Variants in NAV2 observed in about 807,000 individuals in gnomAD.
The protein encoded by NAV2 is helicase, APC down-regulated 1.
A neutral mutation model predicts 223.2 loss-of-function variants in NAV2; 54 were observed. The ratio of observed to expected loss-of-function variants is 0.24; its 90% CI spans 0.19 to 0.30. The LOEUF is 0.30. NAV2 is among the 10% of genes least tolerant of loss of function. NAV2 has a pLI of 1.00. For missense variants in NAV2, 2,806 were observed against 3,147.5 expected, an observed-to-expected ratio of 0.89 and a Z score of 2.60; for synonymous variants, 1,279 against 1,239.3, an observed-to-expected ratio of 1.03 and a Z score of -0.67.
chr11:19,500,690 T>C (rs1224192981), intron 1 of NAV2, among the ~76,000 whole-genome samples: 1 of 152,216 alleles, frequency 6.6e-6, no homozygotes, highest in East Asian at 1.9e-4. Flanking sequence ...ACTAATGATA[T>C]TAAAATCTTA....
chr11:19,673,399 A>C (rs2048622893), intron 1 of NAV2, among the ~76,000 whole-genome samples: 1 of 152,226 alleles, frequency 6.6e-6, no homozygotes, highest in Admixed American at 6.5e-5. Flanking sequence ...TGAGGAAACA[A>C]ATGAAGAACA....
At chr11:19,973,535 T>C (rs2049437241) in intron 10 of NAV2, among the ~76,000 whole-genome samples, 1 of 152,196 alleles carries the variant, frequency 6.6e-6, no homozygotes, top group African/African-American at 2.4e-5. Flanking sequence ...AGAAATTCTC[T>C]ACTTGATCAA....
chr11:19,596,574 G>A (rs2046211417), intron 1 of NAV2, among the ~76,000 whole-genome samples: 1 of 152,214 alleles, frequency 6.6e-6, no homozygotes, highest in Non-Finnish European at 1.5e-5. Context: ...CTGTCTGGGA[G>A]CTTGGCCAGC....
intron 4 of NAV2, 118 bp downstream of exon 4, chr11:19,869,115 G>C: frequency 2.0e-6 from 2 of 1,005,554 alleles, no homozygotes; most frequent in Non-Finnish European, 2.9e-6. Flanking sequence ...CTCTGGTTTT[G>C]TTTTCCTTTA....
chr11:19,581,131 C>T (rs1026812435), intron 1 of NAV2, among the ~76,000 whole-genome samples: 7 of 152,076 alleles, frequency 4.6e-5, no homozygotes, highest in Non-Finnish European at 7.4e-5. Flanking sequence ...TTTATCTTGT[C>T]GATTTGTAGG....
At chr11:20,006,365 A>G (rs2053071697) in intron 11 of NAV2, among the ~76,000 whole-genome samples, 1 of 152,026 alleles carries the variant, frequency 6.6e-6, no homozygotes, top group African/African-American at 2.4e-5. Flanking sequence ...TGTTTAACCC[A>G]TGCCTCCTTC....
rs570280706 is a variant in NAV2, at chr11:20,069,005, A to T, written c.4983+607A>T. Among the ~76,000 whole-genome samples the T allele has an allele frequency of 6.6e-5, 10 of 152,230 alleles. No individual in the cohort carries two copies. In the South Asian group the frequency reaches 2.1e-3, roughly 32 times the overall value. ...CAAACAATTTTGCTATAACATGATA[A>T]CTGTTAAGATAAAGGGAGGAGGTGG... On this transcript the variant is annotated intron_variant, in intron 22 of 37. Transcript: ENST00000349880.
intron 1 of NAV2, among the ~76,000 whole-genome samples, chr11:19,409,214 A>G (rs1850036958): frequency 6.6e-6 from 1 of 152,216 alleles, no homozygotes; most frequent in South Asian, 2.1e-4. Context: ...AAAATGCAAA[A>G]GTCTAAATGA....
intron 1 of NAV2, among the ~76,000 whole-genome samples, chr11:19,742,521 G>T (rs970409283): frequency 1.3e-5 from 2 of 152,206 alleles, no homozygotes; most frequent in South Asian, 4.1e-4. Flanking sequence ...TGGACTGCCT[G>T]CTACCCACTA....
intron 10 of NAV2, among the ~76,000 whole-genome samples, chr11:19,952,545 T>A (rs776781107): frequency 1.1e-4 from 16 of 152,260 alleles, no homozygotes; most frequent in Non-Finnish European, 2.2e-4. Flanking sequence ...CCTTGATGTA[T>A]GAGTAATATA....
chr11:19,407,814 G>A (rs1212633619), intron 1 of NAV2, among the ~76,000 whole-genome samples: 1 of 152,070 alleles, frequency 6.6e-6, no homozygotes, highest in Non-Finnish European at 1.5e-5. Context: ...CTGGCTTAGC[G>A]GTGCTCCCGT....
At chr11:19,890,850 C>T (rs1442863651) in intron 5 of NAV2, among the ~76,000 whole-genome samples, 4 of 152,174 alleles carry the variant, frequency 2.6e-5, no homozygotes, top group Admixed American at 2.6e-4. Context: ...TTTTGTACTC[C>T]GTTCTGTGCC....
At chr11:20,039,307 G>A (rs1469817421) in intron 12 of NAV2, among the ~76,000 whole-genome samples, 3 of 152,200 alleles carry the variant, frequency 2.0e-5, no homozygotes, top group South Asian at 2.1e-4. Context: ...CTTCAAGGGT[G>A]AGTGTGAAAG....
At chr11:20,092,069 ATC>A in intron 27 of NAV2, 135 bp from the exon 28 acceptor site, 1 of 758,588 alleles carries the variant, frequency 1.3e-6, no homozygotes, top group African/African-American at 1.7e-5. Context: ...ACACTGCTAA[ATC>A]TCTCTGAGGG....
At chr11:19,584,364 G>C (rs1041579292) in intron 1 of NAV2, among the ~76,000 whole-genome samples, 2 of 152,116 alleles carry the variant, frequency 1.3e-5, no homozygotes, top group African/African-American at 4.8e-5. Context: ...AGGGTCTTTT[G>C]TGTCTCTATT....
At chr11:19,726,500 T>C (rs1565212584) in intron 1 of NAV2, among the ~76,000 whole-genome samples, 1 of 152,298 alleles carries the variant, frequency 6.6e-6, no homozygotes, top group East Asian at 1.9e-4. Flanking sequence ...CAGCACTCAC[T>C]CCCTCAGCTC....
chr11:19,938,598 G>C (rs148945938), intron 7 of NAV2, among the ~76,000 whole-genome samples: 1,873 of 152,336 alleles, frequency 0.012, 48 homozygotes, highest in African/African-American at 0.042. Context: ...GTAGGAATAA[G>C]TTGGGCTGGT....
At chr11:19,498,685 G>A (rs946231029) in intron 1 of NAV2, among the ~76,000 whole-genome samples, 3 of 151,952 alleles carry the variant, frequency 2.0e-5, no homozygotes, top group Non-Finnish European at 2.9e-5. Flanking sequence ...CCTGCCCATC[G>A]ATCCATCTGT....
chr11:19,529,534 G>A (rs1287855639), intron 1 of NAV2, among the ~76,000 whole-genome samples: 2 of 149,666 alleles, frequency 1.3e-5, no homozygotes, highest in African/African-American at 4.9e-5. Context: ...CTTTTTCTTT[G>A]GAGCCCTTAC....
Sources: gnomAD v4.1 joint callset for allele counts (sites outside exome capture counted in the v4.1 genomes callset) on GRCh38, gnomAD v4.1.1 for gene constraint, MANE v1.5 for transcripts, NCBI Gene and HGNC (gene_info 2026-07-23, HGNC 2026-07-21) for gene names.